SULT4A1: variants seen among roughly 807,000 people sequenced by gnomAD.
SULT4A1 encodes the protein sulfotransferase family 4A member 1, also known as sulfotransferase 4A1.
In SULT4A1, 11 loss-of-function variants were observed where a neutral mutation model predicts 35.2. The observed-to-expected ratio is 0.31, with a 90% confidence interval of 0.20 to 0.52. The LOEUF (loss-of-function observed/expected upper bound fraction) is 0.52, where lower values mean the gene tolerates loss of function less well. Ranked by LOEUF, SULT4A1 falls within the 20% of genes least tolerant of loss-of-function variation. SULT4A1 has a pLI of 0.97. For missense variants in SULT4A1, 271 were observed against 383.7 expected, an observed-to-expected ratio of 0.71 and a Z score of 2.45; for synonymous variants, 152 against 151.8, an observed-to-expected ratio of 1.00 and a Z score of -0.01.
intron 2 of SULT4A1, 23 bp from the exon 3 acceptor site, chr22:43,840,048 G>A (rs750391575): frequency 6.3e-7 from 1 of 1,586,294 alleles, no homozygotes. Context: ...AGAGGGAGAG[G>A]CAGGTCAGAG....
intron 1 of SULT4A1, among the ~76,000 whole-genome samples, chr22:43,849,239 CTGAT>C (rs1410388529): frequency 1.4e-4 from 21 of 152,172 alleles, no homozygotes; most frequent in Admixed American, 1.4e-3. Context: ...CTGAAACCCT[CTGAT>C]TTTCACTCAC....
chr22:43,843,304 G>T (rs141270172), intron 1 of SULT4A1, among the ~76,000 whole-genome samples: 1 of 152,282 alleles, frequency 6.6e-6, no homozygotes, highest in African/African-American at 2.4e-5. Flanking sequence ...CATCTGTAGT[G>T]CCAGCTACTC....
Position 43,854,274 on chromosome 22 carries a change from C to A in SULT4A1, c.169+7940G>T, listed in dbSNP as rs10222314. Among the ~76,000 whole-genome samples the A allele has an allele frequency of 4.9e-3, 748 of 152,320 alleles. 7 individuals are homozygous for A. Among genetic ancestry groups the A allele is most frequent in the African/African-American group, 0.017 (715 of 41,568 alleles). On this transcript the variant is annotated intron_variant, in intron 1 of 6. Transcript: ENST00000330884. Reference sequence around the variant, plus strand: ...GGCCAACAGAGACCTTTGCATGTCTCTGCTTATTCTTCTGCACTTCCACTG... The same window carrying A: ...GGCCAACAGAGACCTTTGCATGTCTATGCTTATTCTTCTGCACTTCCACTG...
chr22:43,848,110 TCAGCAGA>T, intron 1 of SULT4A1, among the ~76,000 whole-genome samples: 1 of 151,886 alleles, frequency 6.6e-6, no homozygotes, highest in African/African-American at 2.4e-5. Context: ...TTTTATTCAC[TCAGCAGA>T]GGGCTCACTA....
At chr22:43,833,940 G>A (rs2063344421) in intron 4 of SULT4A1, among the ~76,000 whole-genome samples, 1 of 152,230 alleles carries the variant, frequency 6.6e-6, no homozygotes, top group African/African-American at 2.4e-5. Flanking sequence ...ACGCCTTGAA[G>A]GCCTGACCAT....
intron 1 of SULT4A1, among the ~76,000 whole-genome samples, chr22:43,858,546 C>A (rs2049429538): frequency 6.6e-6 from 1 of 152,206 alleles, no homozygotes; most frequent in Non-Finnish European, 1.5e-5. Flanking sequence ...CAAAACCACA[C>A]GTTCCATTCT....
chr22:43,839,953 C>T lies in SULT4A1; in HGVS notation c.373G>A (p.Asp125Asn). ...AGGAGGTGCCAGCTTACCTTGGAGT[C>T]TCCATTGTGGAGGTCAGAGGGCAGA... ...RFLPSDLHNG[D>N]SKVIYMARNP... Residue 125 changes from aspartate (D) to asparagine (N), a missense_variant, in exon 3 of 7, where the codon GAC becomes AAC. By Grantham distance (23) the Asp-to-Asn change is conservative (BLOSUM62 1). Transcript: ENST00000330884. 6.2e-7 allele frequency: 1 copy of T among 1,607,718 alleles called. No homozygotes were observed. The highest frequency in any genetic ancestry group is 8.5e-7 in the Non-Finnish European group (1 of 1,177,466).
chr22:43,839,157 T>C (rs1297884796), intron 3 of SULT4A1, among the ~76,000 whole-genome samples, 164 bp from the exon 4 acceptor site: 2 of 152,268 alleles, frequency 1.3e-5, no homozygotes, highest in East Asian at 3.8e-4. Context: ...GTGCTGCTGC[T>C]TCGCTGTTTC....
intron 4 of SULT4A1, among the ~76,000 whole-genome samples, chr22:43,835,929 GGA>G (rs2063368154): frequency 6.6e-6 from 1 of 152,228 alleles, no homozygotes; most frequent in Non-Finnish European, 1.5e-5. Flanking sequence ...GTTGCTGGGT[GGA>G]GAGCCTTCCC....
intron 1 of SULT4A1, among the ~76,000 whole-genome samples, chr22:43,847,081 G>A (rs1413148658): frequency 6.6e-6 from 1 of 152,032 alleles, no homozygotes; most frequent in African/African-American, 2.4e-5. Flanking sequence ...TGTCCCCGTG[G>A]CCCTTCTCTC....
Position 43,862,449 on chromosome 22 carries a change from C to CCGCGCCCGCGCCCCGCACACGCT in SULT4A1, c.-90_-68dup. On this transcript the variant is annotated 5_prime_UTR_variant, in exon 1 of 7. Coordinates refer to ENST00000330884, the MANE Select transcript of SULT4A1 (RefSeq NM_014351.4). ...AGCCCGCACGCGCCCGCGCCCGCGC[C>CCGCGCCCGCGCCCCGCACACGCT]CGCGCCCGCGCCCCGCACACGCTCG... 1 of 972,878 alleles carries CCGCGCCCGCGCCCCGCACACGCT rather than the reference C, an allele frequency of 1.0e-6. No homozygotes were observed. The highest frequency in any genetic ancestry group is 1.2e-6 in the Non-Finnish European group (1 of 823,708). The allele number at this position is 972,878 out of a possible 1,614,324, so 60.3% of individuals were successfully genotyped here. A position where few individuals can be genotyped will look rare whatever the true frequency, so the allele number is the denominator to read the frequency against.
chr22:43,835,893 G>C (rs2063367690), intron 4 of SULT4A1, among the ~76,000 whole-genome samples: 1 of 152,252 alleles, frequency 6.6e-6, no homozygotes, highest in Non-Finnish European at 1.5e-5. Flanking sequence ...CCCCACAGCA[G>C]GAGGGGGGAC....
chr22:43,843,530 G>T (rs1310817263), intron 1 of SULT4A1, among the ~76,000 whole-genome samples: 2 of 152,246 alleles, frequency 1.3e-5, no homozygotes, highest in Non-Finnish European at 2.9e-5. Context: ...GCCTTCCTGG[G>T]CTCCCCACTC....
chr22:43,860,890 C>T (rs374740848), intron 1 of SULT4A1, among the ~76,000 whole-genome samples: 1 of 152,116 alleles, frequency 6.6e-6, no homozygotes, highest in African/African-American at 2.4e-5. Context: ...GACCGGGAGA[C>T]CTAGCTAGAC....
In SULT4A1 at chr22:43,844,188, T is replaced by G. The variant is rs141624995; in HGVS notation, c.170-2256A>C. Among the ~76,000 whole-genome samples, 8 of 152,192 alleles carry G rather than the reference T, an allele frequency of 5.3e-5. No individual in the cohort carries two copies. The East Asian group carries it at 1.6e-3, about 29-fold the overall frequency. On this transcript the variant is annotated intron_variant, in intron 1 of 6. Transcript: ENST00000330884. Reference sequence around the variant, plus strand: ...GGCTTTTCTCCAACTGATACGCACATGTAAGATATAATTCAATTAAAAAGA... The same window carrying G: ...GGCTTTTCTCCAACTGATACGCACAGGTAAGATATAATTCAATTAAAAAGA...
At chr22:43,849,942 C>A (rs921382145) in intron 1 of SULT4A1, among the ~76,000 whole-genome samples, 3 of 152,220 alleles carry the variant, frequency 2.0e-5, no homozygotes, top group African/African-American at 7.2e-5. Context: ...AAGTTTGTTC[C>A]TGCCTCGCTC....
chr22:43,853,966 T>C (rs2049373242), intron 1 of SULT4A1, among the ~76,000 whole-genome samples: 1 of 143,462 alleles, frequency 7.0e-6, no homozygotes, highest in Non-Finnish European at 1.5e-5. Context: ...CAATGGGACC[T>C]TAAGGATGAG....
At chr22:43,856,844 G>A (rs976089787) in intron 1 of SULT4A1, among the ~76,000 whole-genome samples, 3 of 152,036 alleles carry the variant, frequency 2.0e-5, no homozygotes, top group Non-Finnish European at 2.9e-5. Context: ...TTGAAAAGCC[G>A]GCCTCATTTG....
At position 43,825,694 on chromosome 22, in the gene SULT4A1, G is replaced by A. The variant is rs546602028; in HGVS notation, c.*307C>T. On this transcript the variant is annotated 3_prime_UTR_variant, in exon 7 of 7. Coordinates refer to ENST00000330884, the MANE Select transcript of SULT4A1 (RefSeq NM_014351.4). Reference sequence around the variant, plus strand: ...AAAGCTCTATAAAATACAATAATACGGGGTTGAAAAGGCAGACATTCTAGT... The same window carrying A: ...AAAGCTCTATAAAATACAATAATACAGGGTTGAAAAGGCAGACATTCTAGT... 2.0e-3 allele frequency: 328 copies of A among 167,172 alleles called. No individual in the cohort carries two copies. The highest frequency in any genetic ancestry group is 3.1e-3 in the Admixed American group (42 of 13,442). The allele number at this position is 167,172 out of a possible 1,614,324, so 10.4% of individuals were successfully genotyped here.
Sources: allele counts gnomAD v4.1 joint callset (sites outside exome capture counted in the v4.1 genomes callset), GRCh38; gene constraint gnomAD v4.1.1; transcripts MANE v1.5; gene names NCBI Gene and HGNC (gene_info 2026-07-23, HGNC 2026-07-21).